PTCH2: variants seen among roughly 807,000 people sequenced by gnomAD.
PTCH2 encodes the protein patched 2, also known as protein patched homolog 2.
In PTCH2, 96 loss-of-function variants were observed where a neutral mutation model predicts 117.9. The observed-to-expected ratio is 0.81, with a 90% confidence interval of 0.69 to 0.96. The LOEUF (loss-of-function observed/expected upper bound fraction) is 0.96. Among genes scored for constraint, PTCH2 ranks in the 50% least tolerant of loss-of-function variants. The pLI is 0.00. For missense variants in PTCH2, 1,379 were observed against 1,562.5 expected (o/e 0.88, Z 1.98); for synonymous variants, 615 against 660.9 (o/e 0.93, Z 1.06).
rs771498770 is a variant in PTCH2 at position 44,823,114 on chromosome 1, G to C, written c.3312C>G (p.Leu1104=). The C allele has an allele frequency of 1.2e-6, 2 of 1,613,954 alleles. No homozygotes were observed. The highest frequency in any genetic ancestry group is 8.5e-7 in the Non-Finnish European group (1 of 1,179,978). Reference sequence around the variant, plus strand: ...TGGACAGCAGCACAGGCAGCAGCACGAGTCCATGGAGGAGGCCCAGGAGCG... The same window carrying C: ...TGGACAGCAGCACAGGCAGCAGCACCAGTCCATGGAGGAGGCCCAGGAGCG... The part of the protein sequence containing the change: ...VLTLLGLLHG[L]VLLPVLLSIL... Residue 1104 remains leucine, a synonymous_variant, in exon 21 of 22, where the codon CTC becomes CTG. Transcript: ENST00000372192. The surrounding 1 kb of genome is among the most constrained non-coding windows in gnomAD (Gnocchi z 5.1).
At position 44,827,323 on chromosome 1, in the gene PTCH2, G is replaced by A. The variant is rs1243405696; in HGVS notation, c.2372-14C>T. ...CAGCCTGGATTCCTGGGGGAGACCA[G>A]GATAGGGTTCTATTAGCTGGTGGCC... On this transcript the variant is annotated splice_polypyrimidine_tract_variant and intron_variant, in intron 15 of 21. Coordinates refer to ENST00000372192, the MANE Select transcript of PTCH2 (RefSeq NM_003738.5). 3 of 1,613,602 alleles carry A rather than the reference G, an allele frequency of 1.9e-6. No homozygotes were observed. Among genetic ancestry groups the A allele is most frequent in the East Asian group, 2.2e-5 (1 of 44,882 alleles).
rs763685949 is a variant in PTCH2, at chr1:44,829,089, G to A, written c.1372-15C>T. 2.3e-5 allele frequency: 37 copies of A among 1,613,120 alleles called. No homozygotes were observed. Among genetic ancestry groups the A allele is most frequent in the Admixed American group, 1.0e-4 (6 of 59,850 alleles). ...AAGGGCAGCACCTGGAGGGGCAGAG[G>A]AGCGGGCAGCTGAGGACCCGTGAAG... On this transcript the variant is annotated splice_polypyrimidine_tract_variant and intron_variant, in intron 10 of 21. Coordinates refer to ENST00000372192, the MANE Select transcript of PTCH2 (RefSeq NM_003738.5).
At chr1:44,842,627 G>C in intron 1 of PTCH2, among the ~76,000 whole-genome samples, 1 of 152,166 alleles carries the variant, frequency 6.6e-6, no homozygotes, top group Non-Finnish European at 1.5e-5. Context: ...CACACCTGTC[G>C]TCGGGTGGAC....
downstream of PTCH2, among the ~76,000 whole-genome samples, chr1:44,821,478 C>G (rs1424132454): frequency 1.3e-5 from 2 of 152,196 alleles, no homozygotes. Context: ...TCCTGAGAAG[C>G]TCCCCAGACC....
At position 44,823,024 on chromosome 1, in the gene PTCH2, T is replaced by C; in HGVS notation, c.3357+45A>G. 1 of 1,580,814 alleles carries C rather than the reference T, an allele frequency of 6.3e-7. No homozygotes were observed. The highest frequency in any genetic ancestry group is 8.6e-7 in the Non-Finnish European group (1 of 1,158,640). ...CCTTCCCTTGCCTCTCCCTACCCCG[T>C]CCCTTGGGCTGGGAGTAGAGGGATG... On this transcript the variant is annotated intron_variant, in intron 21 of 21. Transcript: ENST00000372192. This position sits in a 1 kb window ranked among gnomAD's most constrained non-coding sequence, Gnocchi z 5.1.
intron 19 of PTCH2, among the ~76,000 whole-genome samples, chr1:44,825,683 C>G (rs147644240): frequency 9.9e-4 from 151 of 151,892 alleles, no homozygotes; most frequent in East Asian, 7.0e-3. Context: ...TGAGCCACCA[C>G]GCCCAGCTAA....
intron 2 of PTCH2, among the ~76,000 whole-genome samples, chr1:44,841,317 A>G (rs532342263): frequency 6.6e-6 from 1 of 151,170 alleles, no homozygotes; most frequent in African/African-American, 2.4e-5. Context: ...TTGCTTTTCC[A>G]TTAAATGGGC....
chr1:44,837,817 G>A (rs1653751045), intron 2 of PTCH2, among the ~76,000 whole-genome samples: 1 of 151,740 alleles, frequency 6.6e-6, no homozygotes, highest in South Asian at 2.1e-4. Flanking sequence ...GGTGGCTCAA[G>A]CCTGTAATCC....
At chr1:44,833,668 C>G (rs1342316258) in intron 2 of PTCH2, among the ~76,000 whole-genome samples, 1 of 152,006 alleles carries the variant, frequency 6.6e-6, no homozygotes, top group Non-Finnish European at 1.5e-5. Flanking sequence ...TTTTTTGTGG[C>G]TCACTGCAAC....
chr1:44,827,725 T>C lies in PTCH2; in HGVS notation c.2059-11A>G, dbSNP rs777600342. ...CACCAGCACGATGGCCTGCGGGATGTAGCAACTAAGCTGGAGACCCCAGGG... is the reference window on the plus strand; with the variant it reads ...CACCAGCACGATGGCCTGCGGGATGCAGCAACTAAGCTGGAGACCCCAGGG... On this transcript the variant is annotated splice_polypyrimidine_tract_variant and intron_variant, in intron 14 of 21. Transcript: ENST00000372192. 1 of 1,610,992 alleles carries C rather than the reference T, an allele frequency of 6.2e-7. No homozygotes were observed. The highest frequency in any genetic ancestry group is 1.1e-5 in the South Asian group (1 of 91,088).
In PTCH2 at chr1:44,831,591, G is replaced by A. The variant is rs149142382; in HGVS notation, c.617+115C>T. 5.7e-5 allele frequency: 59 copies of A among 1,030,950 alleles called. No homozygotes were observed. The African/African-American group carries it at 8.4e-4, about 15-fold the overall frequency. 63.9% of individuals were successfully genotyped at this position (1,030,950 alleles called of 1,614,324 possible). A position where few individuals can be genotyped will look rare whatever the true frequency, so the allele number is the denominator to read the frequency against. ...AGCCCATGCTCTCTGTTCCTGGCCT[G>A]GGAGGTAATTAGGACCTTGGTAAGG... On this transcript the variant is annotated intron_variant, in intron 5 of 21. Coordinates refer to ENST00000372192, the MANE Select transcript of PTCH2 (RefSeq NM_003738.5). The surrounding 1 kb of genome is among the most constrained non-coding windows in gnomAD (Gnocchi z 4.3).
At chr1:44,830,719 G>T in intron 6 of PTCH2, 129 bp downstream of exon 6, 1 of 900,096 alleles carries the variant, frequency 1.1e-6, no homozygotes. Flanking sequence ...CACTGTGGGA[G>T]CAGGGTAATA....
intron 2 of PTCH2, among the ~76,000 whole-genome samples, chr1:44,838,892 G>A (rs905641749): frequency 4.6e-5 from 7 of 152,042 alleles, no homozygotes; most frequent in African/African-American, 1.7e-4. Flanking sequence ...GCTAATTTTT[G>A]TATTTTTAGT....
rs770373024 is a variant in PTCH2, at chr1:44,823,135, G to A, written c.3291C>T (p.Leu1097=). The part of the protein sequence containing the change: ...YFFAALTVLT[L]LGLLHGLVLL... ...GCACGAGTCCATGGAGGAGGCCCAGGAGCGTGAGCACTGTCAGCGCCGCAA... is the reference window on the plus strand; with the variant it reads ...GCACGAGTCCATGGAGGAGGCCCAGAAGCGTGAGCACTGTCAGCGCCGCAA... The change falls in exon 21 of 22, where the codon CTC becomes CTT. Residue 1097 remains leucine (L), a synonymous_variant. Coordinates refer to ENST00000372192, the MANE Select transcript of PTCH2 (RefSeq NM_003738.5). The surrounding 1 kb of genome is among the most constrained non-coding windows in gnomAD (Gnocchi z 5.1). 2.5e-6 allele frequency: 4 copies of A among 1,614,074 alleles called. No individual in the cohort carries two copies. The highest frequency in any genetic ancestry group is 3.4e-6 in the Non-Finnish European group (4 of 1,180,010).
At chr1:44,835,251 C>A (rs182433242) in intron 2 of PTCH2, among the ~76,000 whole-genome samples, 3 of 152,178 alleles carry the variant, frequency 2.0e-5, no homozygotes, top group African/African-American at 7.2e-5. Context: ...GAGACAGGGT[C>A]TCCCTATGTT....
chr1:44,829,290 A>G lies in PTCH2; in HGVS notation c.1238T>C (p.Met413Thr), dbSNP rs779283615. 1.2e-6 allele frequency: 2 copies of G among 1,613,634 alleles called. No homozygotes were observed. The highest frequency in any genetic ancestry group is 4.5e-5 in the East Asian group (2 of 44,878). ...GGACTGGGCGCAGTCCCACCGCAGCATGGTCACACAGGCATAGGCCAGCTG... is the reference window on the plus strand; with the variant it reads ...GGACTGGGCGCAGTCCCACCGCAGCGTGGTCACACAGGCATAGGCCAGCTG... Reference protein sequence around the residue: ...LLMLAYACVTMLRWDCAQSQG... With the variant: ...LLMLAYACVTTLRWDCAQSQG... Residue 413 changes from methionine (M) to threonine (T), a missense_variant, in exon 10 of 22, where the codon ATG becomes ACG. By Grantham distance (81) the Met-to-Thr change is moderately conservative. Transcript: ENST00000372192.
rs1653427049 is a variant in PTCH2, at chr1:44,831,114, C to T, written c.618-71G>A. 1 of 1,428,990 alleles carries T rather than the reference C, an allele frequency of 7.0e-7. No individual in the cohort carries two copies. Among genetic ancestry groups the T allele is most frequent in the East Asian group, 2.4e-5 (1 of 41,330 alleles). 88.5% of individuals were successfully genotyped at this position (1,428,990 alleles called of 1,614,324 possible). ...AGGCTCCAAACTGCTGCTGGGGCGC[C>T]ATGCTGTACCCCACCCTCCTCTTAT... On this transcript the variant is annotated intron_variant, in intron 5 of 21. Coordinates refer to ENST00000372192, the MANE Select transcript of PTCH2 (RefSeq NM_003738.5). This position sits in a 1 kb window ranked among gnomAD's most constrained non-coding sequence, Gnocchi z 4.3.
chr1:44,825,353 G>A (rs928419094), intron 19 of PTCH2, among the ~76,000 whole-genome samples: 1 of 151,780 alleles, frequency 6.6e-6, no homozygotes, highest in African/African-American at 2.4e-5. Context: ...GGCCAGGCTG[G>A]TCTTGAACTC....
At position 44,843,176 on chromosome 1, in the gene PTCH2, G is replaced by A; in HGVS notation, c.-244C>T. ...GCTCCGTGGGCCGTGGGCCGCGGCG[G>A]CTGGAGGAGGAATGGGTCCCGCGCG... On this transcript the variant is annotated 5_prime_UTR_variant, in exon 1 of 22. Coordinates refer to ENST00000372192, the MANE Select transcript of PTCH2 (RefSeq NM_003738.5). 2 of 1,252,424 alleles carry A rather than the reference G, an allele frequency of 1.6e-6. No homozygotes were observed. Among genetic ancestry groups the A allele is most frequent in the Non-Finnish European group, 1.0e-6 (1 of 997,626 alleles). The allele number at this position is 1,252,424 out of a possible 1,614,324, so 77.6% of individuals were successfully genotyped here.
Sources: gnomAD v4.1 joint callset for allele counts (sites outside exome capture counted in the v4.1 genomes callset) on GRCh38, gnomAD v4.1.1 for gene constraint, Gnocchi (gnomAD v3.1) non-coding constraint, MANE v1.5 for transcripts, NCBI Gene and HGNC (gene_info 2026-07-23, HGNC 2026-07-21) for gene names.